Variants in BMPR1B observed in about 807,000 individuals in gnomAD.
The protein encoded by BMPR1B is bone morphogenetic protein receptor type 1B, also known as bone morphogenetic protein receptor type-1B.
BMPR1B carries 12 observed loss-of-function variants against 59.1 expected under a neutral mutation model. The observed-to-expected ratio is 0.20, with a 90% CI of 0.13 to 0.33. The LOEUF (loss-of-function observed/expected upper bound fraction) is 0.33. Ranked by LOEUF, BMPR1B falls within the 10% of genes least tolerant of loss-of-function variation. The pLI is 1.00. For missense variants in BMPR1B, 550 were observed against 610.9 expected (o/e 0.90, Z 1.05); for synonymous variants, 237 against 207.3 (o/e 1.14, Z -1.23).
intron 2 of BMPR1B, among the ~76,000 whole-genome samples, chr4:94,933,568 T>C (rs532540584): frequency 7.5e-4 from 114 of 152,234 alleles, no homozygotes; most frequent in African/African-American, 2.7e-3. Context: ...TGCAATTGTT[T>C]TTCAGTAATC....
At chr4:94,803,655 G>A (rs1723494093) in intron 1 of BMPR1B, among the ~76,000 whole-genome samples, 1 of 152,102 alleles carries the variant, frequency 6.6e-6, no homozygotes, top group African/African-American at 2.4e-5. Flanking sequence ...AGGGGTAAAA[G>A]TTTTATGCAA....
rs537791249 is a variant in BMPR1B, at chr4:94,780,557, T to C, written c.-183+22489T>C. 3.9e-5 allele frequency among the ~76,000 whole-genome samples: 6 copies of C among 152,254 alleles called. No individual in the cohort carries two copies. In the South Asian group the frequency reaches 1.2e-3, roughly 32 times the overall value. On this transcript the variant is annotated intron_variant, in intron 1 of 12. Transcript: ENST00000515059. ...ACCTAGGAGTGGAGTTGGTGGGTCA[T>C]ATGATAACTCTGTGTTTAACATTTT...
At chr4:95,133,501 G>T (rs1733534275) in intron 10 of BMPR1B, among the ~76,000 whole-genome samples, 1 of 151,984 alleles carries the variant, frequency 6.6e-6, no homozygotes, top group South Asian at 2.1e-4. Flanking sequence ...ATCATTACCC[G>T]AACACCCATA....
At chr4:95,065,756 C>T (rs1036863432) in intron 3 of BMPR1B, among the ~76,000 whole-genome samples, 3 of 152,014 alleles carry the variant, frequency 2.0e-5, no homozygotes, top group Non-Finnish European at 4.4e-5. Context: ...TAATTGAAGA[C>T]GGTTCAAGAA....
At chr4:95,143,451 C>G (rs375468279) in intron 10 of BMPR1B, among the ~76,000 whole-genome samples, 1 of 152,164 alleles carries the variant, frequency 6.6e-6, no homozygotes, top group South Asian at 2.1e-4. Context: ...TTTCTTGTCT[C>G]TCTCTCTCTC....
intron 1 of BMPR1B, among the ~76,000 whole-genome samples, chr4:94,866,283 A>G (rs1726237255): frequency 6.6e-6 from 1 of 152,188 alleles, no homozygotes; most frequent in Admixed American, 6.5e-5. Context: ...CATCGGAGAC[A>G]TGCACCAGTT....
At chr4:94,879,401 A>C (rs1726869686) in intron 2 of BMPR1B, among the ~76,000 whole-genome samples, 1 of 152,186 alleles carries the variant, frequency 6.6e-6, no homozygotes, top group Non-Finnish European at 1.5e-5. Flanking sequence ...ACAAGTTTGA[A>C]ACCAGCCTAG....
intron 1 of BMPR1B, among the ~76,000 whole-genome samples, chr4:94,759,381 T>G (rs1180897797): frequency 6.6e-6 from 1 of 152,180 alleles, no homozygotes; most frequent in Non-Finnish European, 1.5e-5. Flanking sequence ...CAAAGAAACA[T>G]AAAAGGCTCC....
At chr4:94,992,611 T>C (rs1425701391) in intron 2 of BMPR1B, among the ~76,000 whole-genome samples, 1 of 152,194 alleles carries the variant, frequency 6.6e-6, no homozygotes, top group African/African-American at 2.4e-5. Flanking sequence ...CCTTGATAAA[T>C]AATACTTCTA....
At chr4:94,937,958 A>G (rs1290861921) in intron 2 of BMPR1B, among the ~76,000 whole-genome samples, 2 of 152,174 alleles carry the variant, frequency 1.3e-5, no homozygotes, top group Non-Finnish European at 2.9e-5. Context: ...AATCCTAGAT[A>G]TTTCATATAG....
At chr4:94,776,727 A>G (rs1211081660) in intron 1 of BMPR1B, among the ~76,000 whole-genome samples, 1 of 152,322 alleles carries the variant, frequency 6.6e-6, no homozygotes, top group East Asian at 1.9e-4. Context: ...GTCAGAATCC[A>G]TCCAGTTACT....
At chr4:94,769,977 A>G (rs1485745462) in intron 1 of BMPR1B, among the ~76,000 whole-genome samples, 1 of 152,174 alleles carries the variant, frequency 6.6e-6, no homozygotes, top group African/African-American at 2.4e-5. Context: ...TAGCTGAAGT[A>G]TGGCAGCATT....
rs549857106 is a variant in BMPR1B, at chr4:94,767,652, T to G, written c.-183+9584T>G. ...ACTACACTGTTTAATTGAATTAAAT[T>G]AGCTTTTCATGGTAACCTAGGAGCT... On this transcript the variant is annotated intron_variant, in intron 1 of 12. Coordinates refer to ENST00000515059, the MANE Select transcript of BMPR1B (RefSeq NM_001203.3). Among the ~76,000 whole-genome samples the G allele has an allele frequency of 8.0e-4, 121 of 152,182 alleles. 1 individual carries two copies. Among genetic ancestry groups the G allele is most frequent in the Non-Finnish European group, 6.0e-4 (41 of 68,010 alleles).
At chr4:94,993,101 G>A (rs1480033097) in intron 2 of BMPR1B, among the ~76,000 whole-genome samples, 1 of 152,030 alleles carries the variant, frequency 6.6e-6, no homozygotes, top group Non-Finnish European at 1.5e-5. Flanking sequence ...ATGTTTCCCA[G>A]GCTGGTCTCG....
Position 94,934,453 on chromosome 4 carries a change from G to GTTT in BMPR1B, c.-113+58569_-113+58571dup, listed in dbSNP as rs371268875. Among the ~76,000 whole-genome samples, 15 of 115,284 alleles carry GTTT rather than the reference G, an allele frequency of 1.3e-4. 1 individual carries two copies. Among genetic ancestry groups the GTTT allele is most frequent in the African/African-American group, 2.5e-4 (7 of 28,196 alleles). The allele number at this position is 115,284 out of a possible 152,430, so 75.6% of individuals were successfully genotyped here. A position where few individuals can be genotyped will look rare whatever the true frequency, so the allele number is the denominator to read the frequency against. On this transcript the variant is annotated intron_variant, in intron 2 of 12. Transcript: ENST00000515059. ...TCAGTGGGAACTTTTCCCAGCTATG[G>GTTT]TTTTTTTTTTTTTTTTTTCTCCTCC...
chr4:94,957,149 C>G (rs1328963090), intron 2 of BMPR1B, among the ~76,000 whole-genome samples: 3 of 152,144 alleles, frequency 2.0e-5, no homozygotes, highest in African/African-American at 7.2e-5. Flanking sequence ...TTTCTTTCTT[C>G]TCATTCACAG....
At chr4:95,076,623 C>T (rs1200156921) in intron 3 of BMPR1B, among the ~76,000 whole-genome samples, 1 of 151,970 alleles carries the variant, frequency 6.6e-6, no homozygotes, top group Non-Finnish European at 1.5e-5. Flanking sequence ...AGTAAATTGT[C>T]TGAGGTCACA....
intron 10 of BMPR1B, among the ~76,000 whole-genome samples, chr4:95,142,712 C>T (rs1416596159): frequency 1.3e-5 from 2 of 152,052 alleles, no homozygotes; most frequent in Admixed American, 1.3e-4. Context: ...GCTCGCCTCT[C>T]ATTGCCACAG....
intron 1 of BMPR1B, among the ~76,000 whole-genome samples, chr4:94,771,465 T>G (rs534973222): frequency 1.2e-4 from 19 of 152,224 alleles, no homozygotes; most frequent in Admixed American, 6.5e-4. Flanking sequence ...CTGTATGAGA[T>G]GATAATTGCA....
Sources: allele counts gnomAD v4.1 joint callset (sites outside exome capture counted in the v4.1 genomes callset), GRCh38; gene constraint gnomAD v4.1.1; transcripts MANE v1.5; gene names NCBI Gene and HGNC (gene_info 2026-07-23, HGNC 2026-07-21).